Variants in TNIK observed in about 807,000 individuals in gnomAD.
TNIK encodes TRAF2 and NCK interacting kinase.
Under a neutral mutation model 191.3 loss-of-function variants are expected in TNIK, and 49 were observed. That is an observed-to-expected ratio of 0.26 (90% CI 0.20 to 0.32). TNIK has a LOEUF of 0.32. Ranked by LOEUF, TNIK falls within the 10% of genes least tolerant of loss-of-function variation. The pLI is 1.00. For missense variants in TNIK, 1,155 were observed against 1,702.3 expected, an observed-to-expected ratio of 0.68 and a Z score of 5.66; for synonymous variants, 594 against 600.9, an observed-to-expected ratio of 0.99 and a Z score of 0.17.
At position 171,062,166 on chromosome 3, in the gene TNIK, T is replaced by G. The variant is rs1034750777; in HGVS notation, c.*1715A>C. 3.9e-5 allele frequency: 6 copies of G among 152,108 alleles called. No individual in the cohort carries two copies. The highest frequency in any genetic ancestry group is 3.9e-4 in the Admixed American group (6 of 15,246). 9.4% of individuals were successfully genotyped at this position (152,108 alleles called of 1,614,324 possible). A position where few individuals can be genotyped will look rare whatever the true frequency, so the allele number is the denominator to read the frequency against. ...TTAGGCAAAGTCAGTAAGATCGTAG[T>G]TTTTTTTGTTGTTGTTGTTCCATTT... On this transcript the variant is annotated 3_prime_UTR_variant, in exon 33 of 33. Transcript: ENST00000436636.
At chr3:171,112,218 A>AG (rs1348832675) in intron 18 of TNIK, among the ~76,000 whole-genome samples, 2 of 152,196 alleles carry the variant, frequency 1.3e-5, no homozygotes, top group African/African-American at 2.4e-5. Flanking sequence ...CAGTAAAGCT[A>AG]GGGGGGACAA....
chr3:171,071,523 T>G, intron 28 of TNIK, 200 bp from the exon 29 acceptor site: 1 of 532,680 alleles, frequency 1.9e-6, no homozygotes, highest in Non-Finnish European at 3.3e-6. Context: ...GTTGGCAGAA[T>G]ACTTATGGCT....
intron 9 of TNIK, among the ~76,000 whole-genome samples, chr3:171,171,818 G>C (rs1394543066): frequency 6.6e-6 from 1 of 152,216 alleles, no homozygotes; most frequent in African/African-American, 2.4e-5. Flanking sequence ...GACAGGAAGA[G>C]AGAATGGGTA....
At position 171,242,471 on chromosome 3, in the gene TNIK, T is replaced by C. The variant is rs554658093; in HGVS notation, c.124-14250A>G. Among the ~76,000 whole-genome samples the C allele has an allele frequency of 3.9e-5, 6 of 152,318 alleles. No individual in the cohort carries two copies. The South Asian group carries it at 1.2e-3, about 32-fold the overall frequency. ...TGATTTCAATCACATTGGTTGGGTC[T>C]TAGGTACTTGCCTAGGATCCAAAAG... On this transcript the variant is annotated intron_variant, in intron 2 of 32. Coordinates refer to ENST00000436636, the MANE Select transcript of TNIK (RefSeq NM_015028.4).
chr3:171,224,926 T>C (rs1742791041), intron 3 of TNIK, among the ~76,000 whole-genome samples: 1 of 152,180 alleles, frequency 6.6e-6, no homozygotes, highest in Non-Finnish European at 1.5e-5. Context: ...AATGGAAGGA[T>C]ATAAGCATTA....
chr3:171,212,906 C>A (rs938393318), intron 3 of TNIK, among the ~76,000 whole-genome samples: 2 of 69,762 alleles, frequency 2.9e-5, no homozygotes, highest in African/African-American at 1.4e-4. Flanking sequence ...GATTTGCAAA[C>A]CTAGGAGAAG....
intron 2 of TNIK, among the ~76,000 whole-genome samples, chr3:171,316,998 T>C (rs1754703291): frequency 8.6e-6 from 1 of 115,658 alleles, no homozygotes; most frequent in Admixed American, 9.5e-5. Context: ...AAATATATAA[T>C]TATATGATAT....
chr3:171,143,647 T>C (rs1216079658), intron 12 of TNIK, among the ~76,000 whole-genome samples: 1 of 152,250 alleles, frequency 6.6e-6, no homozygotes, highest in Non-Finnish European at 1.5e-5. Flanking sequence ...TCTTACCAAC[T>C]TTGCAATCTA....
chr3:171,133,186 T>C (rs1729546176), intron 15 of TNIK, among the ~76,000 whole-genome samples: 2 of 152,324 alleles, frequency 1.3e-5, no homozygotes, highest in South Asian at 4.1e-4. Flanking sequence ...CCTGGACTAT[T>C]TTCCCAGATC....
chr3:171,414,182 G>T (rs1722760226), intron 1 of TNIK, among the ~76,000 whole-genome samples: 1 of 152,170 alleles, frequency 6.6e-6, no homozygotes, highest in South Asian at 2.1e-4. Flanking sequence ...TATTAAGCCA[G>T]CATCGAAACT....
intron 2 of TNIK, among the ~76,000 whole-genome samples, chr3:171,323,499 T>A (rs1755398313): frequency 6.6e-6 from 1 of 152,210 alleles, no homozygotes; most frequent in Non-Finnish European, 1.5e-5. Flanking sequence ...GGTGAGCACC[T>A]ACTGTGTCCG....
At chr3:171,310,511 G>T (rs1753906636) in intron 2 of TNIK, among the ~76,000 whole-genome samples, 1 of 152,126 alleles carries the variant, frequency 6.6e-6, no homozygotes, top group Non-Finnish European at 1.5e-5. Context: ...AGAGATAAAA[G>T]GGTAAGCAAA....
intron 2 of TNIK, among the ~76,000 whole-genome samples, chr3:171,233,992 G>A (rs1743972904): frequency 6.6e-6 from 1 of 152,188 alleles, no homozygotes; most frequent in South Asian, 2.1e-4. Flanking sequence ...AAACTCTACA[G>A]AGAGACCAGT....
At chr3:171,082,222 C>T (rs1226485052) in intron 27 of TNIK, 29 bp downstream of exon 27, 1 of 1,606,022 alleles carries the variant, frequency 6.2e-7, no homozygotes, top group Admixed American at 1.7e-5. Context: ...CTGTATGGAC[C>T]TGGGGGACTC....
At chr3:171,214,995 G>C (rs1032826195) in intron 3 of TNIK, among the ~76,000 whole-genome samples, 1 of 152,162 alleles carries the variant, frequency 6.6e-6, no homozygotes, top group Non-Finnish European at 1.5e-5. Flanking sequence ...CCTGCATCAA[G>C]AGGTGGAGTC....
At chr3:171,430,290 T>C (rs908277766) in intron 1 of TNIK, among the ~76,000 whole-genome samples, 4 of 152,152 alleles carry the variant, frequency 2.6e-5, no homozygotes, top group African/African-American at 9.7e-5. Context: ...AAAACAAAAG[T>C]AAAAACAAAA....
In TNIK at chr3:171,062,378, GAAACAA is replaced by G. The variant is rs922173936; in HGVS notation, c.*1497_*1502del. Reference sequence around the variant, plus strand: ...AGATAACACTGCTGTGATGAACAGTGAAACAAAAACAAACAAAACGAGGTAGGTTAA... The same window carrying G: ...AGATAACACTGCTGTGATGAACAGTGAAACAAACAAAACGAGGTAGGTTAA... On this transcript the variant is annotated 3_prime_UTR_variant, in exon 33 of 33. Coordinates refer to ENST00000436636, the MANE Select transcript of TNIK (RefSeq NM_015028.4). 6 of 152,006 alleles carry G rather than the reference GAAACAA, an allele frequency of 3.9e-5. No individual in the cohort carries two copies. Among genetic ancestry groups the G allele is most frequent in the African/African-American group, 1.5e-4 (6 of 41,366 alleles). 9.4% of individuals were successfully genotyped at this position (152,006 alleles called of 1,614,324 possible). A position where few individuals can be genotyped will look rare whatever the true frequency, so the allele number is the denominator to read the frequency against.
Position 171,228,160 on chromosome 3 carries a change from C to G in TNIK, c.180+5G>C, listed in dbSNP as rs1743178596. The G allele has an allele frequency of 6.2e-7, 1 of 1,613,414 alleles. No homozygotes were observed. Among genetic ancestry groups the G allele is most frequent in the Admixed American group, 1.7e-5 (1 of 59,968 alleles). ...CTATTGAGATGGCAAAATAAAGACA[C>G]TTACCCCTGTGACATCCATAACCTT... is the stretch of plus-strand genomic sequence containing the variant. On this transcript the variant is annotated splice_donor_5th_base_variant and intron_variant, in intron 3 of 32. Transcript: ENST00000436636.
At position 171,101,691 on chromosome 3, in the gene TNIK, C is replaced by T. The variant is rs551890853; in HGVS notation, c.2407-58G>A. ...GGTAGATACGACCAAAGCTACATCT[C>T]TCAGCAAGTCAGTGCTCCAGCTTAA... On this transcript the variant is annotated intron_variant, in intron 21 of 32. Transcript: ENST00000436636. 1.0e-5 allele frequency: 16 copies of T among 1,551,642 alleles called. No homozygotes were observed. The African/African-American group carries it at 1.8e-4, about 17-fold the overall frequency.
Sources: allele counts gnomAD v4.1 joint callset (sites outside exome capture counted in the v4.1 genomes callset), GRCh38; gene constraint gnomAD v4.1.1; transcripts MANE v1.5; gene names NCBI Gene and HGNC (gene_info 2026-07-23, HGNC 2026-07-21).